The following ZFP2 variants were observed in gnomAD, a reference collection of about 807,000 sequenced individuals.
ZFP2 encodes zinc finger protein ZFP2.
ZFP2 carries 33 observed loss-of-function variants against 36.1 expected under a neutral mutation model. That is an observed-to-expected ratio of 0.92 (90% CI 0.69 to 1.22). The LOEUF is 1.22. ZFP2 is among the 50% of genes most tolerant of loss of function. ZFP2 has a pLI of 0.00. For synonymous variants in ZFP2, 170 were observed against 178.0 expected (o/e 0.96, Z 0.36); for missense variants, 522 against 551.4 (o/e 0.95, Z 0.53).
At chr5:178,917,275 A>C (rs573123084) in intron 4 of ZFP2, among the ~76,000 whole-genome samples, 47 of 152,294 alleles carry the variant, frequency 3.1e-4, no homozygotes, top group African/African-American at 1.1e-3. Flanking sequence ...AGCCACCCTA[A>C]CCATCCCTAA....
intron 1 of ZFP2, among the ~76,000 whole-genome samples, 192 bp downstream of exon 1, chr5:178,896,166 TC>T (rs1261201729): frequency 6.6e-6 from 1 of 152,182 alleles, no homozygotes; most frequent in Non-Finnish European, 1.5e-5. Context: ...GTGCGCTCCC[TC>T]TTCCCCAGGA....
intron 4 of ZFP2, among the ~76,000 whole-genome samples, chr5:178,929,942 T>TGGGGGG (rs66712212): frequency 3.8e-5 from 5 of 132,006 alleles, no homozygotes; most frequent in Non-Finnish European, 5.0e-5. Context: ...TGCTTGACGG[T>TGGGGGG]GGGGGGGGGG....
intron 4 of ZFP2, among the ~76,000 whole-genome samples, chr5:178,929,326 C>A (rs1758769254): frequency 6.6e-6 from 1 of 151,754 alleles, no homozygotes; most frequent in South Asian, 2.1e-4. Context: ...GGCCAGGCTG[C>A]AAATGTTCCA....
intron 1 of ZFP2, among the ~76,000 whole-genome samples, chr5:178,898,195 AG>A (rs1757980669): frequency 6.6e-6 from 1 of 152,212 alleles, no homozygotes; most frequent in African/African-American, 2.4e-5. Context: ...CATTTTGGCC[AG>A]GCTGGTCTCG....
intron 4 of ZFP2, among the ~76,000 whole-genome samples, chr5:178,924,372 C>CAA (rs11292713): frequency 4.5e-5 from 5 of 110,868 alleles, no homozygotes; most frequent in African/African-American, 1.5e-4. Context: ...GACTCTGTCT[C>CAA]AAAAAAAAAA....
chr5:178,916,622 C>T lies in ZFP2; in HGVS notation c.-166C>T. On this transcript the variant is annotated 5_prime_UTR_variant, in exon 4 of 5. Coordinates refer to ENST00000361362, the MANE Select transcript of ZFP2 (RefSeq NM_030613.4). ...ACATTTAGTCCTCTCATTATCCTGTCCCAGTCAAGGGGAGAAAGTATTGAC... is the reference window on the plus strand; with the variant it reads ...ACATTTAGTCCTCTCATTATCCTGTTCCAGTCAAGGGGAGAAAGTATTGAC... 1 of 966,736 alleles carries T rather than the reference C, an allele frequency of 1.0e-6. No homozygotes were observed. The highest frequency in any genetic ancestry group is 1.2e-6 in the Non-Finnish European group (1 of 822,478). The allele number at this position is 966,736 out of a possible 1,614,324, so 59.9% of individuals were successfully genotyped here.
Position 178,932,213 on chromosome 5 carries a change from T to C in ZFP2, c.900T>C (p.Cys300=). ...RNHTGEKPYK[C]NKCGKSFSQS... ...ACACTGGAGAAAAACCTTACAAATG[T>C]AACAAATGCGGGAAATCCTTTAGCC... The change falls in exon 5 of 5, where the codon TGT becomes TGC. Residue 300 remains cysteine, a synonymous_variant. Coordinates refer to ENST00000361362, the MANE Select transcript of ZFP2 (RefSeq NM_030613.4). 1 of 1,614,126 alleles carries C rather than the reference T, an allele frequency of 6.2e-7. No homozygotes were observed. The highest frequency in any genetic ancestry group is 8.5e-7 in the Non-Finnish European group (1 of 1,180,020).
At chr5:178,924,372 CAAAA>C (rs11292713) in intron 4 of ZFP2, among the ~76,000 whole-genome samples, 5 of 110,868 alleles carry the variant, frequency 4.5e-5, no homozygotes, top group Non-Finnish European at 6.0e-5. Flanking sequence ...GACTCTGTCT[CAAAA>C]AAAAAAAAAA....
chr5:178,923,073 A>G (rs1479150938), intron 4 of ZFP2, among the ~76,000 whole-genome samples: 2 of 149,604 alleles, frequency 1.3e-5, no homozygotes, highest in East Asian at 1.9e-4. Context: ...GATAGTTGAA[A>G]TGTAATTCTT....
chr5:178,916,089 G>C (rs990156635), intron 3 of ZFP2, among the ~76,000 whole-genome samples: 3 of 152,106 alleles, frequency 2.0e-5, no homozygotes, highest in African/African-American at 7.2e-5. Flanking sequence ...AACATAGTGA[G>C]GGGGCCAAGG....
intron 4 of ZFP2, among the ~76,000 whole-genome samples, chr5:178,920,883 C>T (rs62395086): frequency 0.03 from 4,556 of 152,230 alleles, 113 homozygotes; most frequent in Non-Finnish European, 0.043. Context: ...TTCTCAGTGA[C>T]TTCAAAAGGT....
chr5:178,924,610 T>TG (rs1243345154), intron 4 of ZFP2, among the ~76,000 whole-genome samples: 11 of 148,298 alleles, frequency 7.4e-5, no homozygotes, highest in African/African-American at 2.4e-4. Context: ...GAGGCCAAGG[T>TG]GGGTGGATCA....
At chr5:178,899,502 T>C (rs535703578) in intron 1 of ZFP2, among the ~76,000 whole-genome samples, 1 of 152,022 alleles carries the variant, frequency 6.6e-6, no homozygotes, top group South Asian at 2.1e-4. Context: ...CAGTGACTGA[T>C]AGTGAGAAAT....
At chr5:178,928,662 C>T (rs1758748490) in intron 4 of ZFP2, among the ~76,000 whole-genome samples, 1 of 152,230 alleles carries the variant, frequency 6.6e-6, no homozygotes, top group African/African-American at 2.4e-5. Flanking sequence ...CCCTGCAGTG[C>T]TCTCATGGGT....
rs1170827067 is a variant in ZFP2, at chr5:178,912,717, T to C, written c.-316T>C. 9.4e-7 allele frequency: 1 copy of C among 1,063,762 alleles called. No homozygotes were observed. The highest frequency in any genetic ancestry group is 1.2e-6 in the Non-Finnish European group (1 of 863,644). 65.9% of individuals were successfully genotyped at this position (1,063,762 alleles called of 1,614,324 possible). A position where few individuals can be genotyped will look rare whatever the true frequency, so the allele number is the denominator to read the frequency against. On this transcript the variant is annotated splice_region_variant and 5_prime_UTR_variant, in exon 2 of 5. Coordinates refer to ENST00000361362, the MANE Select transcript of ZFP2 (RefSeq NM_030613.4). ...GAGAACTACAGGAACCCGGTCTCAC[T>C]GGGTAAGGACTTCTTGTAACTCAAA...
Position 178,906,319 on chromosome 5 carries a change from G to T in ZFP2, c.-449-6265G>T, listed in dbSNP as rs1227329180. ...GGATGATTTTTGGAAGGGGAATCTT[G>T]CATTTCTGATTTGATACCTTCTTTC... On this transcript the variant is annotated intron_variant, in intron 1 of 4. Transcript: ENST00000361362. Among the ~76,000 whole-genome samples the T allele has an allele frequency of 2.0e-5, 3 of 152,116 alleles. No homozygotes were observed. The East Asian group carries it at 5.8e-4, about 29-fold the overall frequency.
intron 4 of ZFP2, among the ~76,000 whole-genome samples, chr5:178,928,251 T>C (rs892516686): frequency 1.3e-5 from 2 of 152,202 alleles, no homozygotes; most frequent in Admixed American, 6.5e-5. Flanking sequence ...CCCAATCTTA[T>C]GTCTTTCTCA....
intron 1 of ZFP2, among the ~76,000 whole-genome samples, chr5:178,896,999 T>C (rs1476171557): frequency 6.6e-6 from 1 of 152,128 alleles, no homozygotes; most frequent in East Asian, 1.9e-4. Context: ...ATGTGTCGTA[T>C]TGAATCCTCT....
intron 4 of ZFP2, among the ~76,000 whole-genome samples, chr5:178,927,743 C>G (rs1001146913): frequency 2.0e-5 from 3 of 149,500 alleles, no homozygotes; most frequent in Non-Finnish European, 4.4e-5. Context: ...GCTATGTTGG[C>G]CAGGCTAGTC....
Sources: allele counts gnomAD v4.1 joint callset (sites outside exome capture counted in the v4.1 genomes callset), GRCh38; gene constraint gnomAD v4.1.1; transcripts MANE v1.5; gene names NCBI Gene and HGNC (gene_info 2026-07-23, HGNC 2026-07-21).